SLCO5A1: variants seen among roughly 807,000 people sequenced by gnomAD.
SLCO5A1 encodes the protein organic anion transporter polypeptide-related protein 4.
A neutral mutation model predicts 65.1 loss-of-function variants in SLCO5A1; 39 were observed. That is an observed-to-expected ratio of 0.60 (90% CI 0.46 to 0.78). The LOEUF (loss-of-function observed/expected upper bound fraction) is 0.78. Among genes scored for constraint, SLCO5A1 ranks in the 30% least tolerant of loss-of-function variants. The pLI is 0.00. For synonymous variants in SLCO5A1, 438 were observed against 415.7 expected (o/e 1.05, Z -0.65); for missense variants, 1,029 against 1,069.4 (o/e 0.96, Z 0.53).
intron 4 of SLCO5A1, among the ~76,000 whole-genome samples, chr8:69,751,366 C>T (rs1817290446): frequency 6.6e-6 from 1 of 151,990 alleles, no homozygotes; most frequent in South Asian, 2.1e-4. Flanking sequence ...TCTACTTTCC[C>T]CTTTGCGGTG....
rs765558601 is a variant in SLCO5A1, at chr8:69,705,156, A to T, written c.1497T>A (p.Gly499=). The part of the protein sequence containing the change: ...GGYIIKKLKL[G]ARESAKLAMI... ...TTGCTAGTTTTGCAGATTCTCTGGC[A>T]CCAAGTTTCAATTTTTTTATAATGT... The change falls in exon 6 of 10, where the codon GGT becomes GGA. Residue 499 remains glycine, a synonymous_variant. Transcript: ENST00000260126. 1 of 1,614,222 alleles carries T rather than the reference A, an allele frequency of 6.2e-7. No individual in the cohort carries two copies. Among genetic ancestry groups the T allele is most frequent in the Non-Finnish European group, 8.5e-7 (1 of 1,180,034 alleles).
At chr8:69,712,619 A>C (rs1336828694) in intron 5 of SLCO5A1, among the ~76,000 whole-genome samples, 4 of 152,216 alleles carry the variant, frequency 2.6e-5, no homozygotes, top group Non-Finnish European at 5.9e-5. Context: ...TTAAGACAAC[A>C]ACAATGTGCT....
intron 2 of SLCO5A1, among the ~76,000 whole-genome samples, chr8:69,775,929 G>A (rs1277181720): frequency 6.6e-6 from 1 of 152,080 alleles, no homozygotes; most frequent in Non-Finnish European, 1.5e-5. Flanking sequence ...CCAGGAAGAT[G>A]GCTTGAGCCC....
At chr8:69,753,399 A>G (rs548850483) in intron 4 of SLCO5A1, among the ~76,000 whole-genome samples, 2 of 152,312 alleles carry the variant, frequency 1.3e-5, no homozygotes, top group Non-Finnish European at 2.9e-5. Context: ...TCAGCCCACA[A>G]AGAAAAACCT....
intron 5 of SLCO5A1, among the ~76,000 whole-genome samples, chr8:69,724,879 T>C (rs950300940): frequency 6.6e-6 from 1 of 152,176 alleles, no homozygotes; most frequent in African/African-American, 2.4e-5. Flanking sequence ...AGGCAATGGA[T>C]GCTTGAATTC....
chr8:69,818,926 A>G (rs1820518519), intron 2 of SLCO5A1, among the ~76,000 whole-genome samples: 1 of 152,166 alleles, frequency 6.6e-6, no homozygotes. Context: ...TCAACCCCTC[A>G]AATCCCTCAA....
chr8:69,796,280 G>T (rs920157593), intron 2 of SLCO5A1, among the ~76,000 whole-genome samples: 1 of 151,546 alleles, frequency 6.6e-6, no homozygotes, highest in Admixed American at 6.6e-5. Context: ...TGGCCAGGCT[G>T]GAAATTTACC....
chr8:69,676,588 C>G (rs1354137880), intron 9 of SLCO5A1, 21 bp downstream of exon 9: 6 of 1,608,002 alleles, frequency 3.7e-6, no homozygotes, highest in South Asian at 1.1e-5. Flanking sequence ...AAGAGGTACA[C>G]TTGGAAATTC....
intron 5 of SLCO5A1, among the ~76,000 whole-genome samples, chr8:69,735,705 G>A (rs764679336): frequency 2.9e-4 from 43 of 149,986 alleles, no homozygotes; most frequent in Non-Finnish European, 4.7e-4. Flanking sequence ...AGGGAAAATA[G>A]CTAATGCATG....
At chr8:69,778,332 C>T (rs1818656395) in intron 2 of SLCO5A1, among the ~76,000 whole-genome samples, 1 of 151,382 alleles carries the variant, frequency 6.6e-6, no homozygotes, top group Admixed American at 6.6e-5. Flanking sequence ...AATTTTATCT[C>T]AGGAATAAAA....
Position 69,705,212 on chromosome 8 carries a change from T to C in SLCO5A1, c.1441A>G (p.Ser481Gly). The change falls in exon 6 of 10, where the codon AGT (serine) becomes GGT (glycine). Residue 481 changes from serine to glycine, a missense_variant. Ser to Gly is a moderately conservative substitution (Grantham distance 56, BLOSUM62 0). Coordinates refer to ENST00000260126, the MANE Select transcript of SLCO5A1 (RefSeq NM_030958.3). ...SIYTGVIIVP[S>G]AGVGIVLGGY... ...CCGAGGACAATACCAACACCAGCAC[T>C]GGGGACGATAATAACCCCTGGGGAG... 1.9e-6 allele frequency: 3 copies of C among 1,614,162 alleles called. No individual in the cohort carries two copies. Among genetic ancestry groups the C allele is most frequent in the Non-Finnish European group, 2.5e-6 (3 of 1,180,006 alleles).
At chr8:69,820,038 G>A (rs1238939795) in intron 2 of SLCO5A1, among the ~76,000 whole-genome samples, 14 of 152,168 alleles carry the variant, frequency 9.2e-5, no homozygotes, top group African/African-American at 7.2e-5. Context: ...TGGTGTGGTC[G>A]ATATGACGGG....
intron 2 of SLCO5A1, among the ~76,000 whole-genome samples, chr8:69,779,465 T>C (rs1180994259): frequency 2.0e-5 from 3 of 152,188 alleles, no homozygotes; most frequent in Non-Finnish European, 2.9e-5. Flanking sequence ...GTTCAACTTA[T>C]AAAGGCATAA....
chr8:69,680,239 A>G (rs1220716837), intron 7 of SLCO5A1, among the ~76,000 whole-genome samples: 2 of 152,130 alleles, frequency 1.3e-5, no homozygotes, highest in Admixed American at 1.3e-4. Flanking sequence ...CCATCACCCA[A>G]ATCATGAGCA....
At chr8:69,784,885 A>AGG (rs1563722934) in intron 2 of SLCO5A1, among the ~76,000 whole-genome samples, 8 of 135,158 alleles carry the variant, frequency 5.9e-5, no homozygotes, top group African/African-American at 2.3e-4. Flanking sequence ...GAAAGAAAGA[A>AGG]AGAAGAAAGG....
At chr8:69,831,150 A>G (rs1821132574) in intron 2 of SLCO5A1, among the ~76,000 whole-genome samples, 1 of 151,790 alleles carries the variant, frequency 6.6e-6, no homozygotes, top group South Asian at 2.1e-4. Flanking sequence ...GATCCCAGCT[A>G]CTCGGGGGCT....
chr8:69,673,382 A>G lies in SLCO5A1; in HGVS notation c.2090-56T>C, dbSNP rs1213621897. 2.0e-6 allele frequency: 3 copies of G among 1,469,426 alleles called. No individual in the cohort carries two copies. In the African/African-American group the frequency reaches 4.2e-5, roughly 21 times the overall value. 91.0% of individuals were successfully genotyped at this position (1,469,426 alleles called of 1,614,324 possible). A position where few individuals can be genotyped will look rare whatever the true frequency, so the allele number is the denominator to read the frequency against. On this transcript the variant is annotated intron_variant, in intron 9 of 9. Coordinates refer to ENST00000260126, the MANE Select transcript of SLCO5A1 (RefSeq NM_030958.3). ...GACTTAGCACATCTTCCAAGGGAAA[A>G]CAGGTTTGTAAATTAGCAAGGTACT... is the stretch of plus-strand genomic sequence containing the variant.
In SLCO5A1 at chr8:69,672,841, C is replaced by G. The variant is rs1813380381; in HGVS notation, c.*28G>C. ...AAGTCGCCATTTTCAATTCAACCAA[C>G]AAAACTAAATTCTTCCATTTTCAAG... On this transcript the variant is annotated 3_prime_UTR_variant, in exon 10 of 10. Transcript: ENST00000260126. 9 of 1,570,444 alleles carry G rather than the reference C, an allele frequency of 5.7e-6. No individual in the cohort carries two copies. In the East Asian group the frequency reaches 6.8e-5, roughly 12 times the overall value.
rs752233863 is a variant in SLCO5A1, at chr8:69,679,560, G to T, written c.1842C>A (p.Thr614=). 6.2e-7 allele frequency: 1 copy of T among 1,614,180 alleles called. No homozygotes were observed. ...VQSRQVITPP[T]VGQRSQLRVV... ...CACGGAGCTGACTTCGCTGTCCCACGGTGGGTGGAGTGATCACTTGGCGAC... is the reference window on the plus strand; with the variant it reads ...CACGGAGCTGACTTCGCTGTCCCACTGTGGGTGGAGTGATCACTTGGCGAC... Residue 614 remains threonine (T), a synonymous_variant, in exon 8 of 10, where the codon ACC becomes ACA. Transcript: ENST00000260126.
Sources: gnomAD v4.1 joint callset for allele counts (sites outside exome capture counted in the v4.1 genomes callset) on GRCh38, gnomAD v4.1.1 for gene constraint, MANE v1.5 for transcripts, NCBI Gene and HGNC (gene_info 2026-07-23, HGNC 2026-07-21) for gene names.